The following PDGFC variants were observed in gnomAD, a reference collection of about 807,000 sequenced individuals.
PDGFC encodes platelet-derived growth factor C.
In PDGFC, 12 loss-of-function variants were observed where a neutral mutation model predicts 35.5. The observed-to-expected ratio is 0.34, with a 90% CI of 0.22 to 0.55. PDGFC has a LOEUF of 0.55. Among genes scored for constraint, PDGFC ranks in the 20% least tolerant of loss-of-function variants. The pLI is 0.91. For synonymous variants in PDGFC, 159 were observed against 148.8 expected, an observed-to-expected ratio of 1.07 and a Z score of -0.50; for missense variants, 322 against 412.4, an observed-to-expected ratio of 0.78 and a Z score of 1.90.
intron 5 of PDGFC, among the ~76,000 whole-genome samples, chr4:156,766,807 G>A (rs533159697): frequency 3.9e-5 from 6 of 152,170 alleles, no homozygotes; most frequent in African/African-American, 1.4e-4. Context: ...AATTGATAAA[G>A]TGGGAAAAAA....
chr4:156,848,791 G>C (rs1259726802), intron 2 of PDGFC, among the ~76,000 whole-genome samples: 1 of 152,012 alleles, frequency 6.6e-6, no homozygotes, highest in Non-Finnish European at 1.5e-5. Context: ...TATATTTGCA[G>C]TGACAAGAAG....
chr4:156,850,796 A>C (rs528604363), intron 1 of PDGFC, among the ~76,000 whole-genome samples: 1 of 147,992 alleles, frequency 6.8e-6, no homozygotes, highest in East Asian at 2.0e-4. Context: ...TTCTATTTTA[A>C]AAAATACAAA....
intron 2 of PDGFC, among the ~76,000 whole-genome samples, chr4:156,820,189 A>T (rs1206184886): frequency 6.6e-6 from 1 of 152,252 alleles, no homozygotes; most frequent in Non-Finnish European, 1.5e-5. Flanking sequence ...AATGACAACA[A>T]GGGATTTATA....
chr4:156,823,455 T>A (rs968814954), intron 2 of PDGFC, among the ~76,000 whole-genome samples: 2 of 152,234 alleles, frequency 1.3e-5, no homozygotes, highest in African/African-American at 4.8e-5. Context: ...TGTTTTGTTC[T>A]CTTCTTATTA....
chr4:156,939,892 T>C (rs1049618688), intron 1 of PDGFC, among the ~76,000 whole-genome samples: 16 of 152,098 alleles, frequency 1.1e-4, no homozygotes, highest in African/African-American at 3.9e-4. Flanking sequence ...TAACAGAAGC[T>C]TACTGTAAAG....
intron 1 of PDGFC, among the ~76,000 whole-genome samples, chr4:156,905,690 C>G (rs969727869): frequency 6.6e-6 from 1 of 152,080 alleles, no homozygotes; most frequent in Admixed American, 6.5e-5. Context: ...TGCATCTAAT[C>G]ACTGCTTCAT....
chr4:156,838,304 T>C (rs933488471), intron 2 of PDGFC, among the ~76,000 whole-genome samples: 1 of 152,204 alleles, frequency 6.6e-6, no homozygotes, highest in Non-Finnish European at 1.5e-5. Flanking sequence ...AGGACAACAG[T>C]TGGCTCTCAG....
Position 156,923,267 on chromosome 4 carries a change from G to A in PDGFC, c.118+47519C>T, listed in dbSNP as rs571087359. ...CCTGGTCCTCACTCAGGGCCTTTCC[G>A]CTTCCTATCCCCTCTGCCTAGACGC... is the stretch of plus-strand genomic sequence containing the variant. On this transcript the variant is annotated intron_variant, in intron 1 of 5. Transcript: ENST00000502773. Among the ~76,000 whole-genome samples the A allele has an allele frequency of 2.5e-4, 38 of 151,858 alleles. 2 individuals carry two copies. The highest frequency in any genetic ancestry group is 2.4e-3 in the Admixed American group (36 of 15,224).
rs78061061 is a variant in PDGFC at position 156,899,496 on chromosome 4, C to G, written c.119-49080G>C. 2.7e-3 allele frequency among the ~76,000 whole-genome samples: 407 copies of G among 152,286 alleles called. 4 individuals carry two copies. The highest frequency in any genetic ancestry group is 9.5e-3 in the African/African-American group (394 of 41,558). On this transcript the variant is annotated intron_variant, in intron 1 of 5. Coordinates refer to ENST00000502773, the MANE Select transcript of PDGFC (RefSeq NM_016205.3). ...ACCATTCACTTACTAACTCCGATGACTTCTATTCTTAACTTTTATTTAATA... is the reference window on the plus strand; with the variant it reads ...ACCATTCACTTACTAACTCCGATGAGTTCTATTCTTAACTTTTATTTAATA...
chr4:156,903,131 G>GTGTGTA (rs1411658702), intron 1 of PDGFC, among the ~76,000 whole-genome samples: 1 of 149,864 alleles, frequency 6.7e-6, no homozygotes, highest in Non-Finnish European at 1.5e-5. Flanking sequence ...GTGTGTGTGT[G>GTGTGTA]TATAAACTAG....
rs143069720 is a variant in PDGFC at position 156,905,841 on chromosome 4, A to T, written c.119-55425T>A. Among the ~76,000 whole-genome samples, 10 of 152,164 alleles carry T rather than the reference A, an allele frequency of 6.6e-5. No individual in the cohort carries two copies. In the East Asian group the frequency reaches 1.2e-3, roughly 18 times the overall value. On this transcript the variant is annotated intron_variant, in intron 1 of 5. Coordinates refer to ENST00000502773, the MANE Select transcript of PDGFC (RefSeq NM_016205.3). ...TCTACACGCAAGACCTACATTCTAG[A>T]TCTGAAACAATAAAGCAACATAATT...
chr4:156,841,644 T>C (rs1170527263), intron 2 of PDGFC, among the ~76,000 whole-genome samples: 2 of 151,932 alleles, frequency 1.3e-5, no homozygotes, highest in Admixed American at 6.6e-5. Context: ...GTAACTGAGA[T>C]TACAAGCACG....
At chr4:156,770,786 G>T (rs1470841366) in intron 4 of PDGFC, 1 of 152,026 alleles carries the variant, frequency 6.6e-6, no homozygotes, top group African/African-American at 2.4e-5. Context: ...ATTTTTCTTT[G>T]TTAGTTGTTC....
At chr4:156,932,166 T>C (rs1731565088) in intron 1 of PDGFC, among the ~76,000 whole-genome samples, 1 of 152,196 alleles carries the variant, frequency 6.6e-6, no homozygotes, top group African/African-American at 2.4e-5. Flanking sequence ...ATTTACACTT[T>C]TAAGGGATTT....
At chr4:156,790,705 C>T (rs1020698892) in intron 3 of PDGFC, among the ~76,000 whole-genome samples, 2 of 152,128 alleles carry the variant, frequency 1.3e-5, no homozygotes, top group Non-Finnish European at 2.9e-5. Context: ...AAAACTTATA[C>T]CAATTATTTA....
chr4:156,911,868 C>T lies in PDGFC; in HGVS notation c.118+58918G>A, dbSNP rs574606520. On this transcript the variant is annotated intron_variant, in intron 1 of 5. Coordinates refer to ENST00000502773, the MANE Select transcript of PDGFC (RefSeq NM_016205.3). ...CGTTGGTAAGCAAAAGTTATATGTC[C>T]TATGTGGAGACATGTTTATGATTTA... 2.9e-4 allele frequency among the ~76,000 whole-genome samples: 44 copies of T among 152,176 alleles called. 1 individual carries two copies. In the South Asian group the frequency reaches 9.1e-3, roughly 32 times the overall value.
chr4:156,895,465 C>A (rs1730610306), intron 1 of PDGFC, among the ~76,000 whole-genome samples: 3 of 151,910 alleles, frequency 2.0e-5, no homozygotes, highest in Non-Finnish European at 2.9e-5. Flanking sequence ...AACCCCATCT[C>A]TACTGAAAAT....
At chr4:156,777,776 G>T (rs1730866698) in intron 3 of PDGFC, among the ~76,000 whole-genome samples, 1 of 152,136 alleles carries the variant, frequency 6.6e-6, no homozygotes, top group African/African-American at 2.4e-5. Context: ...CACCATGTCT[G>T]TTCAATCATT....
At chr4:156,847,810 T>C (rs976415387) in intron 2 of PDGFC, among the ~76,000 whole-genome samples, 16 of 151,842 alleles carry the variant, frequency 1.1e-4, no homozygotes, top group African/African-American at 3.9e-4. Context: ...AGGTGAGATT[T>C]GCTTATCACA....
Sources: allele counts gnomAD v4.1 joint callset (sites outside exome capture counted in the v4.1 genomes callset), GRCh38; gene constraint gnomAD v4.1.1; transcripts MANE v1.5; gene names NCBI Gene and HGNC (gene_info 2026-07-23, HGNC 2026-07-21).